Variants in HUWE1 observed in about 807,000 individuals in gnomAD.
The protein encoded by HUWE1 is E3 ubiquitin-protein ligase HUWE1.
Under a neutral mutation model 299.4 loss-of-function variants are expected in HUWE1, and 18 were observed. The observed-to-expected ratio is 0.06, with a 90% CI of 0.04 to 0.09. The LOEUF (loss-of-function observed/expected upper bound fraction) is 0.09, where lower values mean the gene tolerates loss of function less well. Among genes scored for constraint, HUWE1 ranks in the 10% least tolerant of loss-of-function variants. The pLI, the probability that HUWE1 is intolerant of heterozygous loss-of-function variation, is 1.00. For synonymous variants in HUWE1, 1,317 were observed against 1,286.1 expected (o/e 1.02, Z -0.51); for missense variants, 1,832 against 3,462.3 (o/e 0.53, Z 11.82).
chrX:53,593,259 C>A, intron 32 of HUWE1, 105 bp downstream of exon 32: 1 of 597,873 alleles, frequency 1.7e-6, no homozygotes, highest in Non-Finnish European at 2.8e-6. Context: ...GAGTTGGATC[C>A]AGTGGTTCTT....
intron 60 of HUWE1, among the ~76,000 whole-genome samples, chrX:53,555,809 TTTTTGTA>T (rs1315917101): frequency 9.2e-6 from 1 of 109,018 alleles, no homozygotes; most frequent in Non-Finnish European, 1.9e-5. Context: ...GCCTGGCTAA[TTTTTGTA>T]TTTTGAGTAG....
At chrX:53,641,240 GACTTGGCTTAA>G (rs2067568311) in intron 7 of HUWE1, among the ~76,000 whole-genome samples, 1 of 111,562 alleles carries the variant, frequency 9.0e-6, no homozygotes, top group African/African-American at 3.3e-5. Flanking sequence ...CCAACTGCAA[GACTTGGCTTAA>G]TCATAAAAAG....
intron 2 of HUWE1, 114 bp from the exon 3 acceptor site, chrX:53,680,300 G>T: frequency 3.5e-6 from 1 of 283,106 alleles, no homozygotes; most frequent in Non-Finnish European, 6.2e-6. Context: ...TATTTCTAAA[G>T]CAATAGTCCT....
At chrX:53,613,113 C>T (rs948133525) in intron 23 of HUWE1, among the ~76,000 whole-genome samples, 1 of 111,507 alleles carries the variant, frequency 9.0e-6, no homozygotes, top group African/African-American at 3.3e-5. Flanking sequence ...AAAAAAAAGT[C>T]GTGCTTTTTT....
rs781940666 is a variant in HUWE1, at chrX:53,597,586, TG to T, written c.3164-2184del. On this transcript the variant is annotated intron_variant, in intron 29 of 83. Coordinates refer to ENST00000262854, the MANE Select transcript of HUWE1 (RefSeq NM_031407.7). ...GACCCCTTTTCTGGATTGGTTCCAT[TG>T]ATGTTTTGTCTCTGAAGTCAGAAGT... 3.2e-3 allele frequency among the ~76,000 whole-genome samples: 270 copies of T among 84,776 alleles called. 3 individuals carry two copies. Among genetic ancestry groups the T allele is most frequent in the African/African-American group, 0.011 (257 of 22,365 alleles). 73.6% of individuals were successfully genotyped at this position (84,776 alleles called of 115,157 possible). A position where few individuals can be genotyped will look rare whatever the true frequency, so the allele number is the denominator to read the frequency against.
rs184223740 is a variant in HUWE1, at chrX:53,561,171, G to C, written c.7507+585C>G. Among the ~76,000 whole-genome samples the C allele has an allele frequency of 9.8e-5, 11 of 112,083 alleles. No homozygotes were observed. In the East Asian group the frequency reaches 2.5e-3, roughly 26 times the overall value. On this transcript the variant is annotated intron_variant, in intron 55 of 83. Transcript: ENST00000262854. ...AGACCAGAACAGTTCAGTGTTTTCT[G>C]CTACATCATGCTTGTGATTTAAGTT...
chrX:53,675,105 G>A (rs2069749952), intron 3 of HUWE1, among the ~76,000 whole-genome samples: 1 of 111,157 alleles, frequency 9.0e-6, no homozygotes, highest in Non-Finnish European at 1.9e-5. Context: ...AAGTACAGCT[G>A]TTTCTTTACA....
chrX:53,651,113 T>C (rs1557039737), intron 4 of HUWE1, among the ~76,000 whole-genome samples: 1 of 110,712 alleles, frequency 9.0e-6, no homozygotes, highest in Non-Finnish European at 1.9e-5. Context: ...ACAAATATTT[T>C]CCCCAGCTTG....
chrX:53,545,922 G>C (rs1156703638), intron 70 of HUWE1, among the ~76,000 whole-genome samples: 1 of 111,446 alleles, frequency 9.0e-6, no homozygotes, highest in Non-Finnish European at 1.9e-5. Flanking sequence ...TATCACCCTG[G>C]GTTTTGGCTT....
intron 74 of HUWE1, 61 bp downstream of exon 74, chrX:53,542,382 C>A: frequency 1.3e-6 from 1 of 747,120 alleles, no homozygotes; most frequent in Non-Finnish European, 2.1e-6. Context: ...GGGGATTCAG[C>A]AGACATTCCA....
At chrX:53,680,961 T>C (rs1274690131) in intron 2 of HUWE1, among the ~76,000 whole-genome samples, 1 of 111,006 alleles carries the variant, frequency 9.0e-6, no homozygotes, top group African/African-American at 3.3e-5. Context: ...AGAGTCCACA[T>C]ACAGCTAATT....
chrX:53,593,016 T>A (rs2064248192), intron 32 of HUWE1, among the ~76,000 whole-genome samples: 1 of 112,154 alleles, frequency 8.9e-6, no homozygotes, highest in South Asian at 3.7e-4. Flanking sequence ...ACTGTGAACT[T>A]CCTGAGGCCT....
chrX:53,661,801 TA>T (rs1316255768), intron 3 of HUWE1, among the ~76,000 whole-genome samples: 2 of 111,971 alleles, frequency 1.8e-5, no homozygotes, highest in East Asian at 2.8e-4. Flanking sequence ...TTTTATCTAA[TA>T]TTTTTTTTCA....
intron 25 of HUWE1, among the ~76,000 whole-genome samples, chrX:53,607,292 T>C (rs2065200771): frequency 8.9e-6 from 1 of 112,050 alleles, no homozygotes; most frequent in Non-Finnish European, 1.9e-5. Context: ...TAAACTCTAA[T>C]GATGTAGAAC....
At chrX:53,602,187 A>G (rs1181812853) in intron 28 of HUWE1, among the ~76,000 whole-genome samples, 2 of 111,827 alleles carry the variant, frequency 1.8e-5, no homozygotes, top group Non-Finnish European at 3.8e-5. Context: ...TAAAAATAGC[A>G]TATTAGAAAC....
rs1380360612 is a variant in HUWE1 at position 53,607,577 on chromosome X, G to C, written c.2442C>G (p.Asp814Glu). The change falls in exon 25 of 84, where the codon GAC becomes GAG. Residue 814 changes from aspartate to glutamate, a missense_variant. This residue lies in a region of HUWE1 where 658 missense variants were observed against 1,282.6 expected (regional missense o/e 0.51). Coordinates refer to ENST00000262854, the MANE Select transcript of HUWE1 (RefSeq NM_031407.7). ...CCTGACAGGCAGCAGATGTGGGAAA[G>C]TCAATGGGCAGATTGGGAAGACCCA... ...TILGLPNLPI[D>E]FPTSAACQAV... The C allele has an allele frequency of 8.3e-7, 1 of 1,210,178 alleles. No homozygotes were observed. The highest frequency in any genetic ancestry group is 1.1e-6 in the Non-Finnish European group (1 of 894,848).
intron 29 of HUWE1, among the ~76,000 whole-genome samples, 189 bp from the exon 30 acceptor site, chrX:53,595,592 C>T (rs369686759): frequency 1.8e-5 from 2 of 111,662 alleles, no homozygotes; most frequent in African/African-American, 6.5e-5. Flanking sequence ...CCACTTTTGA[C>T]GGTAGGAGAC....
At chrX:53,685,615 G>A (rs1163874959) in intron 2 of HUWE1, among the ~76,000 whole-genome samples, 1 of 111,998 alleles carries the variant, frequency 8.9e-6, no homozygotes, top group Non-Finnish European at 1.9e-5. Context: ...TGAAAACAAT[G>A]ACATACGATT....
chrX:53,655,297 T>C (rs1431275898), intron 3 of HUWE1, among the ~76,000 whole-genome samples: 1 of 110,282 alleles, frequency 9.1e-6, no homozygotes, highest in Non-Finnish European at 1.9e-5. Flanking sequence ...TTTAGGCAGC[T>C]TTTTGCCTAG....
Sources: gnomAD v4.1 joint callset for allele counts (sites outside exome capture counted in the v4.1 genomes callset) on GRCh38, gnomAD v4.1.1 for gene constraint, gnomAD v4.1.1 regional missense constraint, MANE v1.5 for transcripts, NCBI Gene and HGNC (gene_info 2026-07-23, HGNC 2026-07-21) for gene names.